The following ATP6V1D variants were observed in gnomAD, a reference collection of about 807,000 sequenced individuals.
ATP6V1D encodes the protein V-type proton ATPase subunit D.
ATP6V1D carries 20 observed loss-of-function variants against 39.4 expected under a neutral mutation model. The observed-to-expected ratio is 0.51, with a 90% CI of 0.36 to 0.74. The LOEUF (loss-of-function observed/expected upper bound fraction) is 0.74, where lower values mean the gene tolerates loss of function less well. Among genes scored for constraint, ATP6V1D ranks in the 30% least tolerant of loss-of-function variants. The probability of loss-of-function intolerance (pLI) is 0.00; values close to 1 mark genes in which losing one functional copy is unlikely to be tolerated. For missense variants in ATP6V1D, 228 were observed against 291.6 expected (o/e 0.78, Z 1.59); for synonymous variants, 100 against 100.5 (o/e 0.99, Z 0.03).
intron 4 of ATP6V1D, 91 bp from the exon 5 acceptor site, chr14:67,347,544 G>A (rs998568570): frequency 1.4e-4 from 157 of 1,141,298 alleles, no homozygotes; most frequent in Non-Finnish European, 1.8e-4. Flanking sequence ...TCTTGTCGCC[G>A]AGGCTGGAAT....
At chr14:67,355,248 G>A (rs1344995038) in intron 1 of ATP6V1D, among the ~76,000 whole-genome samples, 7 of 151,680 alleles carry the variant, frequency 4.6e-5, no homozygotes, top group African/African-American at 1.5e-4. Context: ...AATGACATAC[G>A]TAAGATTCCT....
chr14:67,359,764 G>T lies in ATP6V1D; in HGVS notation c.-66C>A. The T allele has an allele frequency of 6.3e-7, 1 of 1,581,964 alleles. No individual in the cohort carries two copies. Reference sequence around the variant, plus strand: ...CCGAGGCTGCAATAGCTCCAGAACTGGCCTCCACAGTGTCTTCCTCTACGG... The same window carrying T: ...CCGAGGCTGCAATAGCTCCAGAACTTGCCTCCACAGTGTCTTCCTCTACGG... On this transcript the variant is annotated 5_prime_UTR_variant, in exon 1 of 9. Coordinates refer to ENST00000216442, the MANE Select transcript of ATP6V1D (RefSeq NM_015994.4).
At position 67,347,405 on chromosome 14, in the gene ATP6V1D, T is replaced by C; in HGVS notation, c.352+4A>G. The C allele has an allele frequency of 6.2e-7, 1 of 1,601,166 alleles. No homozygotes were observed. The highest frequency in any genetic ancestry group is 8.6e-7 in the Non-Finnish European group (1 of 1,169,000). ...CAAAGTAATACAAAAAGTTTCACAC[T>C]TACTGTCAGTTCCTTCATGGTAATG... On this transcript the variant is annotated splice_donor_region_variant and intron_variant, in intron 5 of 8. Transcript: ENST00000216442.
intron 2 of ATP6V1D, 129 bp from the exon 3 acceptor site, chr14:67,350,819 C>T (rs1421058379): frequency 3.5e-5 from 29 of 838,372 alleles, no homozygotes; most frequent in Admixed American, 9.6e-5. Flanking sequence ...GGTTTGATAA[C>T]GACAAACAGA....
chr14:67,338,596 T>G lies in ATP6V1D; in HGVS notation c.*25A>C. The G allele has an allele frequency of 6.2e-7, 1 of 1,605,082 alleles. No individual in the cohort carries two copies. The highest frequency in any genetic ancestry group is 8.5e-7 in the Non-Finnish European group (1 of 1,176,470). ...TTAAAATGAAGCCAGTGTTAGGGTT[T>G]CTCAAAGAACCAGAACAGGAAAGAT... On this transcript the variant is annotated 3_prime_UTR_variant, in exon 9 of 9. Coordinates refer to ENST00000216442, the MANE Select transcript of ATP6V1D (RefSeq NM_015994.4).
At chr14:67,355,449 CAAAAAAAAAAAAAAAA>C (rs564931669) in intron 1 of ATP6V1D, among the ~76,000 whole-genome samples, 20 of 18,958 alleles carry the variant, frequency 1.1e-3, no homozygotes, top group South Asian at 5.8e-3. Context: ...GACCCTGTCT[CAAAAAAAAAAAAAAAA>C]AAAAAAAAAA....
intron 1 of ATP6V1D, 140 bp downstream of exon 1, chr14:67,359,518 C>G (rs902421084): frequency 1.1e-6 from 1 of 923,898 alleles, no homozygotes; most frequent in South Asian, 1.6e-5. Context: ...GAAGCCTCGC[C>G]CTAGACTCAA....
At chr14:67,342,477 C>T (rs1382471462) in intron 7 of ATP6V1D, among the ~76,000 whole-genome samples, 1 of 150,132 alleles carries the variant, frequency 6.7e-6, no homozygotes, top group African/African-American at 2.4e-5. Context: ...ATTGAGTTTA[C>T]GTCATTAGGC....
intron 6 of ATP6V1D, among the ~76,000 whole-genome samples, 184 bp from the exon 7 acceptor site, chr14:67,343,622 T>C (rs1201933462): frequency 6.6e-6 from 1 of 152,226 alleles, no homozygotes; most frequent in Non-Finnish European, 1.5e-5. Flanking sequence ...CCCAATACTT[T>C]GGGAGGCTGA....
chr14:67,347,340 C>G lies in ATP6V1D; in HGVS notation c.352+69G>C, dbSNP rs2085625671. ...CAACATCTAGCACCATTTTCCAGAA[C>G]TTAGTTCATTTAAAGAGGAAACAGG... On this transcript the variant is annotated intron_variant, in intron 5 of 8. Coordinates refer to ENST00000216442, the MANE Select transcript of ATP6V1D (RefSeq NM_015994.4). 3 of 1,290,736 alleles carry G rather than the reference C, an allele frequency of 2.3e-6. No homozygotes were observed. The South Asian group carries it at 3.8e-5, about 16-fold the overall frequency. The allele number at this position is 1,290,736 out of a possible 1,614,324, so 80.0% of individuals were successfully genotyped here.
Position 67,359,651 on chromosome 14 carries a change from T to G in ATP6V1D, c.41+7A>C, listed in dbSNP as rs377758847. On this transcript the variant is annotated splice_region_variant and intron_variant, in intron 1 of 8. Transcript: ENST00000216442. The stretch of plus-strand genomic sequence containing the variant: ...GTGAAAGCGGCTTATCCCATTCCTT[T>G]ACTTACATTCGCGAGGGAAAGATTT... The G allele has an allele frequency of 1.9e-6, 3 of 1,613,990 alleles. No homozygotes were observed. The highest frequency in any genetic ancestry group is 2.7e-5 in the African/African-American group (2 of 74,922).
At chr14:67,340,277 G>A (rs2085569740) in intron 8 of ATP6V1D, 163 bp downstream of exon 8, 1 of 608,124 alleles carries the variant, frequency 1.6e-6, no homozygotes, top group African/African-American at 1.8e-5. Context: ...TGACAGATTT[G>A]TTTCCACAAC....
chr14:67,348,914 C>T (rs2085639908), intron 4 of ATP6V1D, 123 bp downstream of exon 4: 1 of 897,242 alleles, frequency 1.1e-6, no homozygotes, highest in Non-Finnish European at 1.7e-6. Flanking sequence ...CATGTAAAGC[C>T]AATCAACTTG....
intron 5 of ATP6V1D, 96 bp from the exon 6 acceptor site, chr14:67,345,967 G>A (rs2141099368): frequency 1.3e-6 from 1 of 771,086 alleles, no homozygotes; most frequent in Non-Finnish European, 2.1e-6. Flanking sequence ...TAACAAATAT[G>A]GAAAGATGAA....
intron 6 of ATP6V1D, among the ~76,000 whole-genome samples, chr14:67,344,155 G>T (rs896195321): frequency 5.3e-5 from 8 of 152,206 alleles, no homozygotes; most frequent in Admixed American, 6.5e-5. Flanking sequence ...ATTTTAGCTT[G>T]TATTTGTAAT....
At position 67,349,783 on chromosome 14, in the gene ATP6V1D, G is replaced by C. The variant is rs538887409; in HGVS notation, c.240-679C>G. On this transcript the variant is annotated intron_variant, in intron 3 of 8. Coordinates refer to ENST00000216442, the MANE Select transcript of ATP6V1D (RefSeq NM_015994.4). The stretch of plus-strand genomic sequence containing the variant: ...ACTCACATACCACTTATACACTATT[G>C]ATTGATCTCCACCCTCTGCTAGAAA... Among the ~76,000 whole-genome samples, 6 of 152,226 alleles carry C rather than the reference G, an allele frequency of 3.9e-5. No individual in the cohort carries two copies. In the South Asian group the frequency reaches 1.2e-3, roughly 31 times the overall value.
intron 7 of ATP6V1D, among the ~76,000 whole-genome samples, chr14:67,341,778 T>C (rs1435003608): frequency 1.3e-5 from 2 of 152,188 alleles, no homozygotes; most frequent in Non-Finnish European, 2.9e-5. Context: ...AGAAATCGGA[T>C]GGTTGCTGTG....
intron 6 of ATP6V1D, among the ~76,000 whole-genome samples, chr14:67,344,068 C>T (rs779241239): frequency 8.5e-5 from 13 of 152,186 alleles, no homozygotes; most frequent in Non-Finnish European, 1.5e-4. Context: ...TAATATGCAA[C>T]CTACTGACGC....
chr14:67,356,503 C>T (rs1336973164), intron 1 of ATP6V1D, among the ~76,000 whole-genome samples: 1 of 151,148 alleles, frequency 6.6e-6, no homozygotes, highest in Non-Finnish European at 1.5e-5. Flanking sequence ...GAATCTTTTA[C>T]CATAGGGCTA....
Sources: allele counts gnomAD v4.1 joint callset (sites outside exome capture counted in the v4.1 genomes callset), GRCh38; gene constraint gnomAD v4.1.1; transcripts MANE v1.5; gene names NCBI Gene and HGNC (gene_info 2026-07-23, HGNC 2026-07-21).